The following CADPS variants were observed in gnomAD, a reference collection of about 807,000 sequenced individuals.
CADPS encodes calcium dependent secretion activator.
In CADPS, 57 loss-of-function variants were observed where a neutral mutation model predicts 167.3. The ratio of observed to expected loss-of-function variants is 0.34; its 90% CI spans 0.28 to 0.42. The LOEUF (loss-of-function observed/expected upper bound fraction) is 0.42, where lower values mean the gene tolerates loss of function less well. Among genes scored for constraint, CADPS ranks in the 20% least tolerant of loss-of-function variants. The pLI is 1.00. For missense variants in CADPS, 1,414 were observed against 1,738.1 expected, an observed-to-expected ratio of 0.81 and a Z score of 3.32; for synonymous variants, 676 against 635.3, an observed-to-expected ratio of 1.06 and a Z score of -0.96.
chr3:62,694,485 G>C (rs936982821), intron 3 of CADPS, among the ~76,000 whole-genome samples: 1 of 152,022 alleles, frequency 6.6e-6, no homozygotes, highest in Non-Finnish European at 1.5e-5. Flanking sequence ...ATACCCTGGA[G>C]GAGTAGCCAG....
At chr3:62,776,527 G>A (rs934761765) in intron 1 of CADPS, among the ~76,000 whole-genome samples, 17 of 152,128 alleles carry the variant, frequency 1.1e-4, no homozygotes, top group South Asian at 4.1e-4. Context: ...GGTGGCGGGC[G>A]CCTGTAGTCT....
At position 62,874,697 on chromosome 3, in the gene CADPS, C is replaced by A; in HGVS notation, c.333G>T (p.Glu111Asp). 1 of 1,551,634 alleles carries A rather than the reference C, an allele frequency of 6.4e-7. No homozygotes were observed. Among genetic ancestry groups the A allele is most frequent in the Non-Finnish European group, 8.7e-7 (1 of 1,146,066 alleles). The change falls in exon 1 of 30, where the codon GAG becomes GAT. Residue 111 changes from glutamate (E) to aspartate (D), a missense_variant. This residue lies in a region of CADPS where 522 missense variants were observed against 559.5 expected (regional missense o/e 0.93). Coordinates refer to ENST00000383710, the MANE Select transcript of CADPS (RefSeq NM_003716.4). The surrounding 1 kb of genome is among the most constrained non-coding windows in gnomAD (Gnocchi z 7.1). ...EKEELERLQK[E>D]EEERKKRLQL... ...GCAGCCTCTTCTTCCTCTCCTCCTC[C>A]TCTTTCTGCAGCCGCTCCAACTCTT...
At chr3:62,442,724 G>C (rs901022264) in intron 27 of CADPS, among the ~76,000 whole-genome samples, 22 of 152,098 alleles carry the variant, frequency 1.4e-4, no homozygotes, top group African/African-American at 4.8e-4. Flanking sequence ...GGAAGTGCAG[G>C]CTTTATGGTC....
intron 28 of CADPS, among the ~76,000 whole-genome samples, chr3:62,417,273 ACTCTT>A (rs1204404024): frequency 0.011 from 550 of 51,434 alleles, 108 homozygotes; most frequent in East Asian, 0.08. Context: ...TTTTTCTTTT[ACTCTT>A]TTTTTTTTTT....
chr3:62,672,195 A>G (rs1234922420), intron 3 of CADPS, among the ~76,000 whole-genome samples: 2 of 35,958 alleles, frequency 5.6e-5, no homozygotes, highest in Non-Finnish European at 7.0e-5. Flanking sequence ...AGAACTTGTT[A>G]AAACACAGAG....
At chr3:62,633,455 C>T (rs833671) in intron 6 of CADPS, among the ~76,000 whole-genome samples, 17,251 of 152,140 alleles carry the variant, frequency 0.11, 1,124 homozygotes, top group Middle Eastern at 0.17. Flanking sequence ...TGAGATCTGG[C>T]CCCGCCAGCC....
Position 62,549,952 on chromosome 3 carries a change from G to A in CADPS, c.1917C>T (p.Asn639=), listed in dbSNP as rs140418239. 144 of 1,614,090 alleles carry A rather than the reference G, an allele frequency of 8.9e-5. No homozygotes were observed. The highest frequency in any genetic ancestry group is 7.8e-4 in the Admixed American group (47 of 60,022). The change falls in exon 11 of 30, where the codon AAC becomes AAT. Residue 639 remains asparagine (N), a synonymous_variant. Coordinates refer to ENST00000383710, the MANE Select transcript of CADPS (RefSeq NM_003716.4). ...PVPPTQVQKL[N]AKGGNVPQLD... The stretch of plus-strand genomic sequence containing the variant: ...GCTGAGGTACATTTCCTCCCTTGGC[G>A]TTGAGTTTCTGGACTTGGGTCGGGG...
intron 1 of CADPS, among the ~76,000 whole-genome samples, chr3:62,838,857 G>C (rs2076256445): frequency 1.3e-5 from 2 of 152,166 alleles, no homozygotes; most frequent in East Asian, 3.9e-4. Flanking sequence ...TGAGGAATCT[G>C]AGCATCAGAT....
At chr3:62,616,030 T>C (rs896480815) in intron 6 of CADPS, among the ~76,000 whole-genome samples, 5 of 152,144 alleles carry the variant, frequency 3.3e-5, no homozygotes, top group Non-Finnish European at 7.3e-5. Flanking sequence ...GTGTTTTTTT[T>C]CCTTTGCCTA....
At chr3:62,788,586 C>T (rs183854357) in intron 1 of CADPS, among the ~76,000 whole-genome samples, 1 of 152,232 alleles carries the variant, frequency 6.6e-6, no homozygotes, top group East Asian at 1.9e-4. Flanking sequence ...ATTTGCAAAG[C>T]TATTGTATGT....
chr3:62,736,454 T>G (rs2079008784), intron 3 of CADPS, among the ~76,000 whole-genome samples: 1 of 152,192 alleles, frequency 6.6e-6, no homozygotes, highest in Admixed American at 6.5e-5. Context: ...ACTTAAACAA[T>G]CATCTGGGGC....
intron 3 of CADPS, among the ~76,000 whole-genome samples, chr3:62,719,790 C>T (rs1331289739): frequency 6.6e-6 from 1 of 152,176 alleles, no homozygotes; most frequent in African/African-American, 2.4e-5. Context: ...AAAACATTTC[C>T]AGCTCTCCAC....
At chr3:62,643,968 A>G (rs1223026318) in intron 6 of CADPS, among the ~76,000 whole-genome samples, 4 of 152,226 alleles carry the variant, frequency 2.6e-5, no homozygotes, top group African/African-American at 9.6e-5. Flanking sequence ...TTGTAAAAAA[A>G]GGGAGGAAGG....
intron 9 of CADPS, among the ~76,000 whole-genome samples, chr3:62,569,250 A>C (rs757706046): frequency 7.2e-5 from 11 of 152,064 alleles, no homozygotes; most frequent in Non-Finnish European, 1.6e-4. Context: ...ACAAGCATGC[A>C]CCACCATACC....
intron 3 of CADPS, among the ~76,000 whole-genome samples, chr3:62,720,575 G>A (rs528256639): frequency 5.1e-4 from 78 of 152,212 alleles, no homozygotes; most frequent in African/African-American, 1.8e-3. Context: ...CTGGCCTCAA[G>A]TGACCCTCCT....
rs139744429 is a variant in CADPS, at chr3:62,440,131, C to G, written c.3670-1920G>C. The G allele has an allele frequency of 2.4e-3, 366 of 152,248 alleles. 2 individuals are homozygous for G. Among genetic ancestry groups the G allele is most frequent in the African/African-American group, 8.4e-3 (348 of 41,538 alleles). The allele number at this position is 152,248 out of a possible 1,614,324, so 9.4% of individuals were successfully genotyped here. A position where few individuals can be genotyped will look rare whatever the true frequency, so the allele number is the denominator to read the frequency against. ...GTTTGGCCTGTTTTCTATTGCATCCCCAGCATACAAAATGGTACCTAGCAT... is the reference window on the plus strand; with the variant it reads ...GTTTGGCCTGTTTTCTATTGCATCCGCAGCATACAAAATGGTACCTAGCAT... On this transcript the variant is annotated intron_variant, in intron 27 of 29. Coordinates refer to ENST00000383710, the MANE Select transcript of CADPS (RefSeq NM_003716.4).
chr3:62,815,786 T>C (rs1295141814), intron 1 of CADPS, among the ~76,000 whole-genome samples: 4 of 152,104 alleles, frequency 2.6e-5, no homozygotes, highest in African/African-American at 9.7e-5. Flanking sequence ...TCTCTCACTC[T>C]CCCTTCTCTT....
At chr3:62,590,284 A>C (rs2085657487) in intron 7 of CADPS, among the ~76,000 whole-genome samples, 1 of 152,002 alleles carries the variant, frequency 6.6e-6, no homozygotes, top group Admixed American at 6.6e-5. Context: ...GGTCAGTTAC[A>C]CTTGTTCCTT....
chr3:62,855,973 T>C (rs2153142007), intron 1 of CADPS, among the ~76,000 whole-genome samples: 1 of 152,344 alleles, frequency 6.6e-6, no homozygotes, highest in Admixed American at 6.5e-5. Context: ...AGTAATCAAC[T>C]TATTTAATAT....
Sources: gnomAD v4.1 joint callset for allele counts (sites outside exome capture counted in the v4.1 genomes callset) on GRCh38, gnomAD v4.1.1 for gene constraint, gnomAD v4.1.1 regional missense constraint, Gnocchi (gnomAD v3.1) non-coding constraint, MANE v1.5 for transcripts, NCBI Gene and HGNC (gene_info 2026-07-23, HGNC 2026-07-21) for gene names.